LRBA: variants seen among roughly 807,000 people sequenced by gnomAD.
The protein encoded by LRBA is LPS responsive beige-like anchor protein.
In LRBA, 176 loss-of-function variants were observed where a neutral mutation model predicts 330.0. The ratio of observed to expected loss-of-function variants is 0.53; its 90% confidence interval spans 0.47 to 0.60. The LOEUF (loss-of-function observed/expected upper bound fraction) is 0.60, where lower values mean the gene tolerates loss of function less well. Among genes scored for constraint, LRBA ranks in the 20% least tolerant of loss-of-function variants. The pLI is 0.00. For synonymous variants in LRBA, 1,230 were observed against 1,193.0 expected, an observed-to-expected ratio of 1.03 and a Z score of -0.64; for missense variants, 3,259 against 3,444.8, an observed-to-expected ratio of 0.95 and a Z score of 1.35.
intron 20 of LRBA, 70 bp from the exon 21 acceptor site, chr4:150,868,375 T>C: frequency 8.9e-7 from 1 of 1,122,424 alleles, no homozygotes; most frequent in Admixed American, 2.5e-5. Context: ...GTCATCCATC[T>C]ATTGCAATTT....
At chr4:150,793,150 A>C (rs1414997074) in intron 34 of LRBA, among the ~76,000 whole-genome samples, 1 of 151,916 alleles carries the variant, frequency 6.6e-6, no homozygotes, top group African/African-American at 2.4e-5. Flanking sequence ...CAAAAAAATC[A>C]AAAAATTAGC....
chr4:150,648,158 CAAAAAA>C, intron 37 of LRBA, among the ~76,000 whole-genome samples: 1 of 18,100 alleles, frequency 5.5e-5, no homozygotes, highest in Non-Finnish European at 1.8e-4. Context: ...ACACAAGTAG[CAAAAAA>C]AAAAAAAAAA....
At chr4:150,497,288 A>G (rs1759700545) in intron 40 of LRBA, among the ~76,000 whole-genome samples, 1 of 152,152 alleles carries the variant, frequency 6.6e-6, no homozygotes, top group African/African-American at 2.4e-5. Flanking sequence ...CACCAACCAT[A>G]TGACTTTTGG....
chr4:150,805,274 A>AG (rs55921638), intron 33 of LRBA, among the ~76,000 whole-genome samples: 3 of 129,940 alleles, frequency 2.3e-5, no homozygotes, highest in Non-Finnish European at 4.9e-5. Context: ...GAAGGAAAGG[A>AG]AAGGAAAGGA....
intron 34 of LRBA, among the ~76,000 whole-genome samples, chr4:150,767,555 C>T (rs966280579): frequency 2.0e-5 from 3 of 151,838 alleles, no homozygotes; most frequent in Non-Finnish European, 2.9e-5. Flanking sequence ...GTCAGGAGAT[C>T]GAGACCATCC....
chr4:150,272,605 T>C (rs1300079085), intron 56 of LRBA, among the ~76,000 whole-genome samples: 1 of 151,634 alleles, frequency 6.6e-6, no homozygotes, highest in Non-Finnish European at 1.5e-5. Flanking sequence ...ATAACCAGTT[T>C]AGAGAAGAAC....
chr4:150,814,338 G>A (rs1744233687), intron 31 of LRBA, among the ~76,000 whole-genome samples: 1 of 152,030 alleles, frequency 6.6e-6, no homozygotes, highest in Non-Finnish European at 1.5e-5. Flanking sequence ...ACAAGTACAA[G>A]GGCAAGTATA....
intron 17 of LRBA, among the ~76,000 whole-genome samples, chr4:150,887,794 A>T (rs993217036): frequency 6.6e-6 from 1 of 151,034 alleles, no homozygotes; most frequent in African/African-American, 2.4e-5. Context: ...AAAGAAAGAA[A>T]AAAAAAAGAA....
chr4:150,604,200 G>T (rs1160680396), intron 37 of LRBA, among the ~76,000 whole-genome samples: 1 of 151,970 alleles, frequency 6.6e-6, no homozygotes, highest in Non-Finnish European at 1.5e-5. Context: ...CTTGAGGTCA[G>T]GAGTTCAAGA....
At chr4:150,940,256 A>G (rs1426543572) in intron 2 of LRBA, among the ~76,000 whole-genome samples, 1 of 139,082 alleles carries the variant, frequency 7.2e-6, no homozygotes, top group Non-Finnish European at 1.6e-5. Flanking sequence ...AAAAAAAAAT[A>G]GCCTGGCAGG....
chr4:151,000,102 G>C (rs188764357), intron 2 of LRBA, among the ~76,000 whole-genome samples: 1 of 152,148 alleles, frequency 6.6e-6, no homozygotes, highest in Non-Finnish European at 1.5e-5. Flanking sequence ...TCCAATTTTT[G>C]ACAGTTTGAC....
intron 34 of LRBA, among the ~76,000 whole-genome samples, chr4:150,784,253 CAGAT>C (rs1738693515): frequency 6.6e-6 from 1 of 152,096 alleles, no homozygotes; most frequent in Non-Finnish European, 1.5e-5. Context: ...TTATTTTAGG[CAGAT>C]AGAGAGGAAA....
In LRBA at chr4:150,929,010, C is replaced by A; in HGVS notation, c.272G>T (p.Ser91Ile). 6.2e-7 allele frequency: 1 copy of A among 1,613,564 alleles called. No individual in the cohort carries two copies. The highest frequency in any genetic ancestry group is 8.5e-7 in the Non-Finnish European group (1 of 1,179,924). The change falls in exon 3 of 57, where the codon AGT (serine) becomes ATT (isoleucine). Residue 91 changes from serine to isoleucine, a missense_variant. Physicochemically the swap from Ser to Ile is moderately radical, Grantham distance 142. Transcript: ENST00000651943. ...CAGTAGGTCCACCATGCAGTTAATA[C>A]TCTCACCTTCTTGGATAATGAAATT... is the stretch of plus-strand genomic sequence containing the variant. ...EMNFIIQEGE[S>I]INCMVDLLEK...
At chr4:150,805,963 A>C (rs932190248) in intron 33 of LRBA, among the ~76,000 whole-genome samples, 2 of 152,144 alleles carry the variant, frequency 1.3e-5, no homozygotes, top group African/African-American at 4.8e-5. Flanking sequence ...AGTTCAAGTA[A>C]AATCCTGTGA....
At position 150,818,532 on chromosome 4, in the gene LRBA, CTGTGTG is replaced by C. The variant is rs74479974; in HGVS notation, c.5172-1281_5172-1276del. Among the ~76,000 whole-genome samples, 981 of 145,854 alleles carry C rather than the reference CTGTGTG, an allele frequency of 6.7e-3. 7 individuals are homozygous for C. The highest frequency in any genetic ancestry group is 0.023 in the African/African-American group (906 of 39,724). ...AAGGGGGAGTAGATATGACGAATGT[CTGTGTG>C]TGTGTGTGTGTGTGTGTGTGTGTGT... On this transcript the variant is annotated intron_variant, in intron 30 of 56. Transcript: ENST00000651943.
At chr4:150,722,849 C>T (rs1189050446) in intron 36 of LRBA, among the ~76,000 whole-genome samples, 1 of 152,006 alleles carries the variant, frequency 6.6e-6, no homozygotes, top group Non-Finnish European at 1.5e-5. Context: ...GCCACCTCTG[C>T]CCCATCGCCC....
Position 150,828,612 on chromosome 4 carries a change from G to A in LRBA, c.4739C>T (p.Pro1580Leu). The A allele has an allele frequency of 1.2e-6, 2 of 1,612,416 alleles. No individual in the cohort carries two copies. Among genetic ancestry groups the A allele is most frequent in the South Asian group, 1.1e-5 (1 of 90,824 alleles). The stretch of plus-strand genomic sequence containing the variant: ...CGTAGTTAAAGTGCTGAATGCTGCT[G>A]GTGTGATTTCTATATCATACCCAGA... ...NENVSLSEITPAAFSTLTTAS... is the reference protein window; with the variant it reads ...NENVSLSEITLAAFSTLTTAS... Residue 1580 changes from proline (P) to leucine (L), a missense_variant, in exon 30 of 57, where the codon CCA (proline) becomes CTA (leucine). Pro to Leu is a moderately conservative substitution (Grantham distance 98, BLOSUM62 -3). Transcript: ENST00000651943.
intron 47 of LRBA, among the ~76,000 whole-genome samples, chr4:150,372,645 T>G (rs539743774): frequency 6.7e-6 from 1 of 149,656 alleles, no homozygotes; most frequent in East Asian, 1.9e-4. Context: ...TTTGAAATCT[T>G]GGGCAATACT....
In LRBA at chr4:150,277,850, T is replaced by C. The variant is rs2126741721; in HGVS notation, c.8468+3A>G. 6.2e-7 allele frequency: 1 copy of C among 1,613,820 alleles called. No individual in the cohort carries two copies. Among genetic ancestry groups the C allele is most frequent in the Non-Finnish European group, 8.5e-7 (1 of 1,179,820 alleles). ...TATTTGTAGCCCATGATTCCAGTGT[T>C]ACCTCTGGTCGTAAGACAGCGCCAT... On this transcript the variant is annotated splice_donor_region_variant and intron_variant, in intron 56 of 56. Transcript: ENST00000651943.
Sources: gnomAD v4.1 joint callset for allele counts (sites outside exome capture counted in the v4.1 genomes callset) on GRCh38, gnomAD v4.1.1 for gene constraint, MANE v1.5 for transcripts, NCBI Gene and HGNC (gene_info 2026-07-23, HGNC 2026-07-21) for gene names.